EBF2: variants seen among roughly 807,000 people sequenced by gnomAD.
EBF2 encodes the protein EBF transcription factor 2, also known as transcription factor COE2.
In EBF2, 21 loss-of-function variants were observed where a neutral mutation model predicts 72.8. The observed-to-expected ratio is 0.29, with a 90% CI of 0.20 to 0.42. EBF2 has a LOEUF of 0.42. Ranked by LOEUF, EBF2 falls within the 10% of genes least tolerant of loss-of-function variation. The pLI is 1.00. For synonymous variants in EBF2, 299 were observed against 274.2 expected (o/e 1.09, Z -0.89); for missense variants, 637 against 731.2 (o/e 0.87, Z 1.49).
At chr8:25,951,880 G>A (rs557990731) in intron 6 of EBF2, among the ~76,000 whole-genome samples, 33 of 152,088 alleles carry the variant, frequency 2.2e-4, no homozygotes, top group African/African-American at 4.3e-4. Flanking sequence ...AGAATTCGTC[G>A]GAAATCATTT....
chr8:25,916,493 TA>T (rs904884624), intron 6 of EBF2, among the ~76,000 whole-genome samples: 6 of 152,142 alleles, frequency 3.9e-5, no homozygotes, highest in African/African-American at 1.4e-4. Flanking sequence ...CACCACATTT[TA>T]AAACAGCCCA....
At chr8:25,847,724 C>T (rs144988242) in intron 15 of EBF2, among the ~76,000 whole-genome samples, 3 of 152,306 alleles carry the variant, frequency 2.0e-5, no homozygotes, top group African/African-American at 7.2e-5. Flanking sequence ...CAGCACAGGA[C>T]TGGTGACATC....
intron 6 of EBF2, among the ~76,000 whole-genome samples, chr8:25,950,331 T>C (rs545222280): frequency 6.6e-6 from 1 of 152,204 alleles, no homozygotes; most frequent in Non-Finnish European, 1.5e-5. Context: ...ACACTTTTAT[T>C]AAAAGTAATG....
At chr8:25,880,546 C>A (rs1264844991) in intron 10 of EBF2, among the ~76,000 whole-genome samples, 2 of 152,146 alleles carry the variant, frequency 1.3e-5, no homozygotes, top group African/African-American at 4.8e-5. Flanking sequence ...AGTATTTATA[C>A]CCTTAATGTG....
intron 7 of EBF2, among the ~76,000 whole-genome samples, chr8:25,898,798 C>T (rs1802898796): frequency 2.0e-5 from 3 of 152,096 alleles, no homozygotes; most frequent in South Asian, 4.1e-4. Context: ...AGCACACAGG[C>T]CCTGGAAGCA....
intron 6 of EBF2, among the ~76,000 whole-genome samples, chr8:25,982,481 C>T (rs557973267): frequency 1.6e-4 from 25 of 152,322 alleles, no homozygotes; most frequent in African/African-American, 5.5e-4. Flanking sequence ...AGTAAGTGGT[C>T]ATGGGGAGTG....
At chr8:26,001,527 T>C (rs1804725406) in intron 6 of EBF2, among the ~76,000 whole-genome samples, 1 of 152,128 alleles carries the variant, frequency 6.6e-6, no homozygotes, top group Admixed American at 6.5e-5. Flanking sequence ...ATGGCATACA[T>C]ATAAAGGAAA....
intron 6 of EBF2, among the ~76,000 whole-genome samples, chr8:25,913,740 G>A (rs1803168048): frequency 6.6e-6 from 1 of 152,186 alleles, no homozygotes; most frequent in South Asian, 2.1e-4. Context: ...CACATAAGCA[G>A]GCTAGGTCAC....
chr8:25,856,051 G>A (rs180946597), intron 14 of EBF2, among the ~76,000 whole-genome samples: 8 of 152,276 alleles, frequency 5.3e-5, no homozygotes, highest in African/African-American at 9.6e-5. Flanking sequence ...GAAGGAAGTC[G>A]TCACTGGTGG....
At chr8:25,850,158 G>A (rs1801931371) in intron 15 of EBF2, among the ~76,000 whole-genome samples, 1 of 152,124 alleles carries the variant, frequency 6.6e-6, no homozygotes, top group Non-Finnish European at 1.5e-5. Flanking sequence ...TGTTGCCCAG[G>A]CTGGAGTGCA....
chr8:25,981,504 A>G (rs1858204678), intron 6 of EBF2, among the ~76,000 whole-genome samples: 1 of 152,132 alleles, frequency 6.6e-6, no homozygotes, highest in Non-Finnish European at 1.5e-5. Context: ...TGCATTTCCC[A>G]GTGTAAAAAC....
rs747622330 is a variant in EBF2 at position 25,850,741 on chromosome 8, C to G, written c.1549G>C (p.Val517Leu). 1 of 1,560,368 alleles carries G rather than the reference C, an allele frequency of 6.4e-7. No individual in the cohort carries two copies. The highest frequency in any genetic ancestry group is 2.5e-5 in the East Asian group (1 of 40,656). Residue 517 changes from valine (V) to leucine (L), a missense_variant, in exon 15 of 16, where the codon GTT becomes CTT. Physicochemically the swap from Val to Leu is conservative, Grantham distance 32. Transcript: ENST00000520164. Reference protein sequence around the residue: ...PYGIMSSSPTVGSSSTSSILP... With the variant: ...PYGIMSSSPTLGSSSTSSILP... ...ATGGAGGATGTGCTGGAAGACCCAA[C>G]GGTGGGACTTGATGACATGACTGGA...
intron 6 of EBF2, among the ~76,000 whole-genome samples, chr8:25,963,683 A>G (rs968492737): frequency 1.3e-5 from 2 of 152,294 alleles, no homozygotes; most frequent in Admixed American, 1.3e-4. Flanking sequence ...TACTTCATAA[A>G]CACCATTTGT....
chr8:25,896,881 C>T (rs1348878670), intron 7 of EBF2, among the ~76,000 whole-genome samples: 1 of 152,188 alleles, frequency 6.6e-6, no homozygotes, highest in South Asian at 2.1e-4. Flanking sequence ...TCTGCCCTAC[C>T]ACTTTATTCT....
chr8:26,017,923 A>G (rs1351731329), intron 6 of EBF2, among the ~76,000 whole-genome samples: 1 of 152,164 alleles, frequency 6.6e-6, no homozygotes, highest in Non-Finnish European at 1.5e-5. Context: ...TATCAGGTTA[A>G]TGCATGCACT....
At chr8:25,985,178 C>T (rs938763189) in intron 6 of EBF2, among the ~76,000 whole-genome samples, 1 of 152,204 alleles carries the variant, frequency 6.6e-6, no homozygotes, top group Non-Finnish European at 1.5e-5. Flanking sequence ...CTCCAGGGCT[C>T]CATGCAGCTA....
chr8:26,043,518 G>A (rs1237287460), intron 1 of EBF2, among the ~76,000 whole-genome samples: 1 of 152,178 alleles, frequency 6.6e-6, no homozygotes, highest in African/African-American at 2.4e-5. Context: ...GTCCCGAAGC[G>A]CTGCGGAAAG....
At chr8:25,981,535 T>A (rs917749012) in intron 6 of EBF2, among the ~76,000 whole-genome samples, 1 of 152,112 alleles carries the variant, frequency 6.6e-6, no homozygotes, top group African/African-American at 2.4e-5. Flanking sequence ...CCCGATGTGG[T>A]GGCTCACGCC....
At chr8:25,971,723 A>G (rs911380094) in intron 6 of EBF2, among the ~76,000 whole-genome samples, 13 of 151,800 alleles carry the variant, frequency 8.6e-5, no homozygotes, top group Admixed American at 2.0e-4. Context: ...TGATAGATAC[A>G]CCTTTTTGTG....
Sources: allele counts gnomAD v4.1 joint callset (sites outside exome capture counted in the v4.1 genomes callset), GRCh38; gene constraint gnomAD v4.1.1; transcripts MANE v1.5; gene names NCBI Gene and HGNC (gene_info 2026-07-23, HGNC 2026-07-21).